PARD3B: variants seen among roughly 807,000 people sequenced by gnomAD.
The protein encoded by PARD3B is par-3 family cell polarity regulator beta, also known as partitioning defective 3 homolog B.
A neutral mutation model predicts 130.2 loss-of-function variants in PARD3B; 103 were observed. The observed-to-expected ratio is 0.79, with a 90% CI of 0.67 to 0.93. PARD3B has a LOEUF of 0.93. Among genes scored for constraint, PARD3B ranks in the 40% least tolerant of loss-of-function variants. The probability of loss-of-function intolerance (pLI) is 0.00; values close to 1 mark genes in which losing one functional copy is unlikely to be tolerated. For missense variants in PARD3B, 1,609 were observed against 1,499.2 expected, an observed-to-expected ratio of 1.07 and a Z score of -1.21; for synonymous variants, 583 against 553.2, an observed-to-expected ratio of 1.05 and a Z score of -0.76.
intron 2 of PARD3B, among the ~76,000 whole-genome samples, chr2:204,760,415 A>G (rs552359006): frequency 6.6e-6 from 1 of 152,242 alleles, no homozygotes; most frequent in South Asian, 2.1e-4. Flanking sequence ...TATTTCATAA[A>G]GTCAGAAGAA....
intron 2 of PARD3B, among the ~76,000 whole-genome samples, chr2:204,839,346 G>A (rs1178511253): frequency 6.6e-6 from 1 of 152,144 alleles, no homozygotes; most frequent in Non-Finnish European, 1.5e-5. Context: ...TAGACATTTT[G>A]TTGAGTAAAA....
intron 16 of PARD3B, among the ~76,000 whole-genome samples, chr2:205,256,161 C>T (rs1232389657): frequency 6.9e-6 from 1 of 145,252 alleles, no homozygotes; most frequent in Non-Finnish European, 1.5e-5. Flanking sequence ...ATATCACAGC[C>T]TCAAAGATCC....
intron 22 of PARD3B, among the ~76,000 whole-genome samples, chr2:205,579,482 G>GCA (rs1328187693): frequency 1.3e-5 from 2 of 152,168 alleles, no homozygotes; most frequent in African/African-American, 2.4e-5. Context: ...TTATGAACCA[G>GCA]CACACACCAG....
chr2:205,487,558 A>C (rs2049494257), intron 20 of PARD3B, among the ~76,000 whole-genome samples: 2 of 152,036 alleles, frequency 1.3e-5, no homozygotes, highest in African/African-American at 4.8e-5. Context: ...TTACTTTCTT[A>C]TTATCTGTAA....
At chr2:204,619,370 C>T (rs1249936648) in intron 1 of PARD3B, among the ~76,000 whole-genome samples, 2 of 152,106 alleles carry the variant, frequency 1.3e-5, no homozygotes, top group African/African-American at 4.8e-5. Flanking sequence ...CTGTTCTTTC[C>T]CAGTTCACTC....
Position 205,302,924 on chromosome 2 carries a change from A to G in PARD3B, c.2630+1223A>G, listed in dbSNP as rs146162071. Among the ~76,000 whole-genome samples the G allele has an allele frequency of 1.1e-3, 160 of 152,318 alleles. 2 individuals are homozygous for G. Among genetic ancestry groups the G allele is most frequent in the African/African-American group, 3.6e-3 (150 of 41,574 alleles). On this transcript the variant is annotated intron_variant, in intron 18 of 22. Coordinates refer to ENST00000406610, the MANE Select transcript of PARD3B (RefSeq NM_001302769.2). ...CAGCACAGTTGTGAGATATGATTTC[A>G]TATGCTATACATTCATTGACTAGAC... is the stretch of plus-strand genomic sequence containing the variant.
intron 2 of PARD3B, among the ~76,000 whole-genome samples, chr2:204,721,047 G>C (rs542488425): frequency 6.6e-6 from 1 of 152,222 alleles, no homozygotes; most frequent in African/African-American, 2.4e-5. Context: ...TACTGAATCA[G>C]AATCTGTGGT....
intron 2 of PARD3B, among the ~76,000 whole-genome samples, chr2:204,722,042 G>C (rs770035865): frequency 9.9e-5 from 15 of 152,218 alleles, no homozygotes; most frequent in Middle Eastern, 3.4e-3. Context: ...TGATACCTCT[G>C]TTAGATAATC....
chr2:205,273,621 CA>C (rs757065628), intron 16 of PARD3B, among the ~76,000 whole-genome samples: 2 of 152,152 alleles, frequency 1.3e-5, no homozygotes, highest in Non-Finnish European at 2.9e-5. Flanking sequence ...CGTAAGAGTT[CA>C]CTAACTCCTC....
rs1408568611 is a variant in PARD3B at position 205,183,955 on chromosome 2, C to T, written c.1925-1809C>T. 6.6e-6 allele frequency among the ~76,000 whole-genome samples: 1 copy of T among 151,982 alleles called. No individual in the cohort carries two copies. The highest frequency in any genetic ancestry group is 1.5e-5 in the Non-Finnish European group (1 of 68,004). ...AGTCTGAAGACAAACGGGCTTGAGA[C>T]TCAGGAAGAACTGATGTTTCCGTTT... On this transcript the variant is annotated intron_variant, in intron 13 of 22. Coordinates refer to ENST00000406610, the MANE Select transcript of PARD3B (RefSeq NM_001302769.2). The surrounding 1 kb of genome is among the most constrained non-coding windows in gnomAD (Gnocchi z 5.2).
At chr2:204,805,418 T>TA (rs1167581779) in intron 2 of PARD3B, among the ~76,000 whole-genome samples, 4 of 151,984 alleles carry the variant, frequency 2.6e-5, no homozygotes, top group Non-Finnish European at 5.9e-5. Flanking sequence ...GAAGCCCTAA[T>TA]AAAACAAAAT....
At chr2:205,333,980 C>T (rs1455553760) in intron 18 of PARD3B, among the ~76,000 whole-genome samples, 2 of 152,192 alleles carry the variant, frequency 1.3e-5, no homozygotes, top group East Asian at 1.9e-4. Context: ...AACCAAGTTA[C>T]AGATGGTCTT....
At chr2:205,567,907 G>T (rs1190678919) in intron 22 of PARD3B, among the ~76,000 whole-genome samples, 1 of 152,064 alleles carries the variant, frequency 6.6e-6, no homozygotes, top group African/African-American at 2.4e-5. Flanking sequence ...GGGAAGGAGG[G>T]CTGGGGTCTT....
intron 22 of PARD3B, among the ~76,000 whole-genome samples, chr2:205,607,831 T>TACACACACACACACACACAC (rs776583001): frequency 8.6e-6 from 1 of 116,190 alleles, no homozygotes; most frequent in Admixed American, 8.3e-5. Context: ...CCAACACCCA[T>TACACACACACACACACACAC]ACACACACAC....
At chr2:205,082,659 CCT>C (rs1701491909) in intron 4 of PARD3B, among the ~76,000 whole-genome samples, 1 of 151,298 alleles carries the variant, frequency 6.6e-6, no homozygotes, top group Admixed American at 6.6e-5. Context: ...GATTTTGTTT[CCT>C]GTTACATGTC....
chr2:205,118,560 G>A lies in PARD3B; in HGVS notation c.681-361G>A, dbSNP rs115414751. Among the ~76,000 whole-genome samples, 425 of 152,292 alleles carry A rather than the reference G, an allele frequency of 2.8e-3. 3 individuals are homozygous for A. The highest frequency in any genetic ancestry group is 9.7e-3 in the African/African-American group (402 of 41,558). Reference sequence around the variant, plus strand: ...ATGCTCTCCCACTGCTAAACATCACGTTGCCACGTTGGCACTAACTCAGAC... The same window carrying A: ...ATGCTCTCCCACTGCTAAACATCACATTGCCACGTTGGCACTAACTCAGAC... On this transcript the variant is annotated intron_variant, in intron 6 of 22. Transcript: ENST00000406610.
At chr2:205,601,091 A>G (rs1415368336) in intron 22 of PARD3B, among the ~76,000 whole-genome samples, 4 of 152,212 alleles carry the variant, frequency 2.6e-5, no homozygotes, top group Admixed American at 2.0e-4. Flanking sequence ...GTCTTCTACA[A>G]TGGTTAAACT....
chr2:205,548,727 A>G (rs1041349044), intron 21 of PARD3B, among the ~76,000 whole-genome samples: 4 of 152,152 alleles, frequency 2.6e-5, no homozygotes, highest in Admixed American at 2.0e-4. Context: ...TTTTTTTGAT[A>G]TAAGACCAAA....
intron 7 of PARD3B, 23 bp downstream of exon 7, chr2:205,119,069 A>T (rs371193215): frequency 6.3e-7 from 1 of 1,588,232 alleles, no homozygotes; most frequent in Non-Finnish European, 8.5e-7. Context: ...TCATTGTTTT[A>T]TTTACTTTCT....
Sources: gnomAD v4.1 joint callset for allele counts (sites outside exome capture counted in the v4.1 genomes callset) on GRCh38, gnomAD v4.1.1 for gene constraint, Gnocchi (gnomAD v3.1) non-coding constraint, MANE v1.5 for transcripts, NCBI Gene and HGNC (gene_info 2026-07-23, HGNC 2026-07-21) for gene names.